The following GSTCD variants were observed in gnomAD, a reference collection of about 807,000 sequenced individuals.
GSTCD encodes glutathione S-transferase C-terminal domain containing.
GSTCD carries 44 observed loss-of-function variants against 68.3 expected under a neutral mutation model. That is an observed-to-expected ratio of 0.64 (90% confidence interval 0.51 to 0.83). The LOEUF (loss-of-function observed/expected upper bound fraction) is 0.83. GSTCD is among the 40% of genes least tolerant of loss of function. GSTCD has a pLI of 0.00. For missense variants in GSTCD, 739 were observed against 735.9 expected (o/e 1.00, Z -0.05); for synonymous variants, 273 against 255.2 (o/e 1.07, Z -0.67).
At chr4:105,839,709 GA>G (rs1724262253) in intron 10 of GSTCD, among the ~76,000 whole-genome samples, 2 of 152,030 alleles carry the variant, frequency 1.3e-5, no homozygotes, top group African/African-American at 2.4e-5. Context: ...GGAAAGAAAA[GA>G]AAAAAGAACT....
chr4:105,773,895 A>G (rs1005110707), intron 5 of GSTCD, among the ~76,000 whole-genome samples: 1 of 152,054 alleles, frequency 6.6e-6, no homozygotes, highest in Non-Finnish European at 1.5e-5. Flanking sequence ...GCTGAGTTCA[A>G]ATTTTGAATA....
At chr4:105,733,274 T>A (rs1195886675) in intron 5 of GSTCD, among the ~76,000 whole-genome samples, 1 of 152,192 alleles carries the variant, frequency 6.6e-6, no homozygotes, top group Non-Finnish European at 1.5e-5. Flanking sequence ...ATCTGTCTAA[T>A]GTTGACAGTG....
At chr4:105,759,618 T>C (rs1480872978) in intron 5 of GSTCD, among the ~76,000 whole-genome samples, 1 of 152,126 alleles carries the variant, frequency 6.6e-6, no homozygotes, top group African/African-American at 2.4e-5. Context: ...ATTTAATGAA[T>C]ACTGAAATGA....
At chr4:105,711,766 G>A (rs757287014) in intron 1 of GSTCD, among the ~76,000 whole-genome samples, 1 of 152,162 alleles carries the variant, frequency 6.6e-6, no homozygotes, top group Non-Finnish European at 1.5e-5. Context: ...TGGCTCAACA[G>A]TCTCGGCTCT....
intron 5 of GSTCD, among the ~76,000 whole-genome samples, chr4:105,808,557 A>G (rs1403079512): frequency 6.6e-6 from 1 of 152,110 alleles, no homozygotes; most frequent in African/African-American, 2.4e-5. Context: ...AATTCAAAAT[A>G]AAATCCAAAG....
intron 5 of GSTCD, among the ~76,000 whole-genome samples, chr4:105,775,245 A>G (rs2149245926): frequency 6.6e-6 from 1 of 152,252 alleles, no homozygotes; most frequent in South Asian, 2.1e-4. Context: ...TTCTATTAGC[A>G]ATTCCTCTAA....
intron 5 of GSTCD, among the ~76,000 whole-genome samples, chr4:105,793,449 G>A (rs932546137): frequency 6.6e-6 from 1 of 150,416 alleles, no homozygotes; most frequent in South Asian, 2.1e-4. Flanking sequence ...GATACATACT[G>A]ACATATTTCA....
rs777714268 is a variant in GSTCD at position 105,743,653 on chromosome 4, C to CTTTT, written c.1240+14177_1240+14180dup. On this transcript the variant is annotated intron_variant, in intron 5 of 11. Transcript: ENST00000515279. ...AAATATTTCCTAAAAACAGGACATT[C>CTTTT]TTTTTTTTTTTTTTTTTTTTTTTTT... Among the ~76,000 whole-genome samples, 36 of 88,870 alleles carry CTTTT rather than the reference C, an allele frequency of 4.1e-4. 1 individual carries two copies. The highest frequency in any genetic ancestry group is 1.4e-3 in the African/African-American group (27 of 19,682). 58.3% of individuals were successfully genotyped at this position (88,870 alleles called of 152,430 possible). A position where few individuals can be genotyped will look rare whatever the true frequency, so the allele number is the denominator to read the frequency against.
At position 105,729,504 on chromosome 4, in the gene GSTCD, G is replaced by A; in HGVS notation, c.1240+5G>A. 6.3e-7 allele frequency: 1 copy of A among 1,598,132 alleles called. No individual in the cohort carries two copies. The highest frequency in any genetic ancestry group is 8.6e-7 in the Non-Finnish European group (1 of 1,168,582). ...CAGCAGTCAGCCCAAAGGAAGGTGAGTTTTCTTTTTTCTTTAAGTTTTATT... is the reference window on the plus strand; with the variant it reads ...CAGCAGTCAGCCCAAAGGAAGGTGAATTTTCTTTTTTCTTTAAGTTTTATT... On this transcript the variant is annotated splice_donor_5th_base_variant and intron_variant, in intron 5 of 11. Coordinates refer to ENST00000515279, the MANE Select transcript of GSTCD (RefSeq NM_001370181.1).
chr4:105,721,997 T>G (rs944998156), intron 3 of GSTCD, among the ~76,000 whole-genome samples: 7 of 152,140 alleles, frequency 4.6e-5, no homozygotes, highest in African/African-American at 1.7e-4. Flanking sequence ...TTGTATATTA[T>G]TTTTCAGTTG....
rs1041749738 is a variant in GSTCD, at chr4:105,847,471, C to A, written c.*1894C>A. The A allele has an allele frequency of 2.0e-5, 3 of 152,082 alleles. No individual in the cohort carries two copies. The highest frequency in any genetic ancestry group is 6.6e-5 in the Admixed American group (1 of 15,250). The allele number at this position is 152,082 out of a possible 1,614,324, so 9.4% of individuals were successfully genotyped here. On this transcript the variant is annotated 3_prime_UTR_variant, in exon 12 of 12. Transcript: ENST00000515279. ...GTTTAATTTATATACAATACAATAA[C>A]AGATTTTTAAGTATTCATTTGAGAT...
rs1427129017 is a variant in GSTCD, at chr4:105,711,251, TAAGAA to T, written c.-22+2239_-22+2243del. Among the ~76,000 whole-genome samples the T allele has an allele frequency of 3.4e-5, 5 of 148,756 alleles. No homozygotes were observed. The East Asian group carries it at 9.6e-4, about 29-fold the overall frequency. ...TTAGGCAGGTTTAAATTTTAATCTT[TAAGAA>T]AAGTAAGTGTTTGTGATTTTTCATA... On this transcript the variant is annotated intron_variant, in intron 1 of 11. Transcript: ENST00000515279.
chr4:105,781,280 T>A (rs907356344), intron 5 of GSTCD, among the ~76,000 whole-genome samples: 5 of 152,214 alleles, frequency 3.3e-5, no homozygotes, highest in Non-Finnish European at 5.9e-5. Context: ...GACAGGGTCT[T>A]GCTCTGTTTC....
chr4:105,714,381 A>G (rs1403394198), intron 1 of GSTCD, among the ~76,000 whole-genome samples: 3 of 152,154 alleles, frequency 2.0e-5, no homozygotes, highest in Admixed American at 6.5e-5. Flanking sequence ...AGTTGATTCT[A>G]TAGTACCTAC....
intron 5 of GSTCD, among the ~76,000 whole-genome samples, chr4:105,799,390 A>G (rs1021536685): frequency 2.0e-5 from 3 of 152,160 alleles, no homozygotes; most frequent in Non-Finnish European, 4.4e-5. Flanking sequence ...AGCTTTCAAC[A>G]TGCCTTCCTC....
intron 5 of GSTCD, among the ~76,000 whole-genome samples, chr4:105,780,816 A>T (rs1448457185): frequency 1.3e-5 from 2 of 152,192 alleles, no homozygotes; most frequent in Non-Finnish European, 2.9e-5. Context: ...CCTATAATTT[A>T]TTTCAGAAAT....
chr4:105,796,679 G>A (rs1430582564), intron 5 of GSTCD, among the ~76,000 whole-genome samples: 1 of 151,984 alleles, frequency 6.6e-6, no homozygotes, highest in Non-Finnish European at 1.5e-5. Context: ...TTTGGCTTCT[G>A]GTATAAAGGT....
At chr4:105,729,099 A>G (rs570805906) in intron 4 of GSTCD, among the ~76,000 whole-genome samples, 3 of 152,118 alleles carry the variant, frequency 2.0e-5, no homozygotes, top group Non-Finnish European at 4.4e-5. Flanking sequence ...CCTCAGCTGA[A>G]CTTTCTCTTT....
At position 105,769,233 on chromosome 4, in the gene GSTCD, G is replaced by A. The variant is rs867147905; in HGVS notation, c.1240+39734G>A. Among the ~76,000 whole-genome samples, 146 of 146,332 alleles carry A rather than the reference G, an allele frequency of 1.0e-3. 1 individual carries two copies. Among genetic ancestry groups the A allele is most frequent in the Middle Eastern group, 3.5e-3 (1 of 284 alleles). On this transcript the variant is annotated intron_variant, in intron 5 of 11. Transcript: ENST00000515279. ...TTTTAAAAATATACTATACACGCGC[G>A]CACACACACACACACACACACACAC...
Sources: allele counts gnomAD v4.1 joint callset (sites outside exome capture counted in the v4.1 genomes callset), GRCh38; gene constraint gnomAD v4.1.1; transcripts MANE v1.5; gene names NCBI Gene and HGNC (gene_info 2026-07-23, HGNC 2026-07-21).